ATG2B: variants seen among roughly 807,000 people sequenced by gnomAD.
ATG2B encodes autophagy-related protein 2 homolog B.
A neutral mutation model predicts 241.3 loss-of-function variants in ATG2B; 121 were observed. That is an observed-to-expected ratio of 0.50 (90% confidence interval 0.43 to 0.58). ATG2B has a LOEUF of 0.58. ATG2B is among the 20% of genes least tolerant of loss of function. ATG2B has a pLI of 0.00. For missense variants in ATG2B, 2,306 were observed against 2,491.6 expected (o/e 0.93, Z 1.59); for synonymous variants, 858 against 876.6 (o/e 0.98, Z 0.37).
intron 29 of ATG2B, 43 bp downstream of exon 29, chr14:96,309,410 C>A (rs755634254): frequency 1.9e-6 from 3 of 1,555,728 alleles, no homozygotes; most frequent in South Asian, 1.2e-5. Flanking sequence ...AAGTAAGCCC[C>A]AACATTAACA....
intron 4 of ATG2B, among the ~76,000 whole-genome samples, chr14:96,343,982 T>C (rs1354307460): frequency 1.3e-5 from 2 of 152,234 alleles, no homozygotes; most frequent in Non-Finnish European, 2.9e-5. Context: ...CTGGTGCTCA[T>C]GCAGTGTACA....
At chr14:96,301,369 C>G (rs1055749086) in intron 34 of ATG2B, among the ~76,000 whole-genome samples, 9 of 152,182 alleles carry the variant, frequency 5.9e-5, no homozygotes, top group Admixed American at 2.6e-4. Context: ...ATGCTTCTCG[C>G]CATTCTATTA....
rs201707373 is a variant in ATG2B, at chr14:96,353,658, AT to A, written c.163-6318del. ...TTTCATATTTTATATATATATATAT[AT>A]AAATCATTAAAGGAATTAAAATGTT... On this transcript the variant is annotated intron_variant, in intron 1 of 41. Transcript: ENST00000359933. Among the ~76,000 whole-genome samples the A allele has an allele frequency of 7.2e-3, 986 of 137,780 alleles. 8 individuals are homozygous for A. Among genetic ancestry groups the A allele is most frequent in the Non-Finnish European group, 0.011 (689 of 60,280 alleles). 90.4% of individuals were successfully genotyped at this position (137,780 alleles called of 152,430 possible). A position where few individuals can be genotyped will look rare whatever the true frequency, so the allele number is the denominator to read the frequency against.
intron 1 of ATG2B, among the ~76,000 whole-genome samples, chr14:96,359,296 T>G (rs1376375107): frequency 6.6e-6 from 1 of 151,950 alleles, no homozygotes; most frequent in Non-Finnish European, 1.5e-5. Flanking sequence ...GAGGATCGCT[T>G]GAGCCTAGCA....
At chr14:96,315,615 C>A in intron 21 of ATG2B, 32 bp from the exon 22 acceptor site, 1 of 1,536,274 alleles carries the variant, frequency 6.5e-7, no homozygotes, top group Non-Finnish European at 9.0e-7. Flanking sequence ...AAAATAGTAA[C>A]AAAATGATTA....
Position 96,347,356 on chromosome 14 carries a change from C to T in ATG2B, c.163-15G>A, listed in dbSNP as rs1189310498. ...TCATTGAGACACTAAGGAGAAAAAA[C>T]AGGTTCATTATGAATCACAAGAACA... On this transcript the variant is annotated splice_polypyrimidine_tract_variant and intron_variant, in intron 1 of 41. Coordinates refer to ENST00000359933, the MANE Select transcript of ATG2B (RefSeq NM_018036.7). The T allele has an allele frequency of 1.3e-6, 2 of 1,538,118 alleles. No homozygotes were observed. The highest frequency in any genetic ancestry group is 1.2e-5 in the South Asian group (1 of 82,678).
intron 41 of ATG2B, among the ~76,000 whole-genome samples, chr14:96,288,718 T>A (rs2139834312): frequency 6.7e-6 from 1 of 149,286 alleles, no homozygotes; most frequent in African/African-American, 2.5e-5. Flanking sequence ...AAAACACAAA[T>A]CATAAGTCAA....
chr14:96,359,240 C>T (rs1052840915), intron 1 of ATG2B, among the ~76,000 whole-genome samples: 5 of 151,936 alleles, frequency 3.3e-5, no homozygotes, highest in Non-Finnish European at 7.4e-5. Flanking sequence ...GGTGTGGTGG[C>T]ATGCACCTGT....
At position 96,305,889 on chromosome 14, in the gene ATG2B, G is replaced by A. The variant is rs551647550; in HGVS notation, c.4507-74C>T. 6.2e-6 allele frequency: 7 copies of A among 1,133,398 alleles called. No individual in the cohort carries two copies. In the South Asian group the frequency reaches 7.1e-5, roughly 11 times the overall value. 70.2% of individuals were successfully genotyped at this position (1,133,398 alleles called of 1,614,324 possible). A position where few individuals can be genotyped will look rare whatever the true frequency, so the allele number is the denominator to read the frequency against. On this transcript the variant is annotated intron_variant, in intron 30 of 41. Coordinates refer to ENST00000359933, the MANE Select transcript of ATG2B (RefSeq NM_018036.7). ...AACTGATTATGCTGCACATCTCAAG[G>A]GGCATTCTTGCTTCTACATTCTTTT...
intron 30 of ATG2B, 73 bp from the exon 31 acceptor site, chr14:96,305,888 G>A: frequency 1.7e-6 from 2 of 1,160,108 alleles, no homozygotes; most frequent in Non-Finnish European, 2.5e-6. Flanking sequence ...CACATCTCAA[G>A]GGGCATTCTT....
chr14:96,296,972 G>C (rs1412374511), intron 34 of ATG2B, among the ~76,000 whole-genome samples: 2 of 152,048 alleles, frequency 1.3e-5, no homozygotes, highest in Non-Finnish European at 2.9e-5. Flanking sequence ...GGGAGACTAA[G>C]CAATGGACTG....
intron 36 of ATG2B, among the ~76,000 whole-genome samples, 196 bp downstream of exon 36, chr14:96,294,764 T>G (rs1254934086): frequency 6.6e-6 from 1 of 152,020 alleles, no homozygotes; most frequent in Admixed American, 6.6e-5. Flanking sequence ...AGAGACGAAT[T>G]TGGAACCAGG....
chr14:96,299,709 T>G (rs1009772477), intron 34 of ATG2B, among the ~76,000 whole-genome samples: 5 of 152,220 alleles, frequency 3.3e-5, no homozygotes, highest in Admixed American at 2.6e-4. Context: ...GCTTACTGCC[T>G]GCCCTAAGGG....
rs1246148243 is a variant in ATG2B, at chr14:96,283,025, C to T, written c.*2730G>A. On this transcript the variant is annotated 3_prime_UTR_variant, in exon 42 of 42. Coordinates refer to ENST00000359933, the MANE Select transcript of ATG2B (RefSeq NM_018036.7). ...ATTGCTATGACATCTAGAAGAAACA[C>T]TGAGTTATCTAAAAGGCAATGTTCA... 1 of 152,196 alleles carries T rather than the reference C, an allele frequency of 6.6e-6. No homozygotes were observed. The highest frequency in any genetic ancestry group is 6.5e-5 in the Admixed American group (1 of 15,276). The allele number at this position is 152,196 out of a possible 1,614,324, so 9.4% of individuals were successfully genotyped here. A position where few individuals can be genotyped will look rare whatever the true frequency, so the allele number is the denominator to read the frequency against.
intron 1 of ATG2B, among the ~76,000 whole-genome samples, chr14:96,357,944 C>T (rs924805751): frequency 6.6e-6 from 1 of 152,028 alleles, no homozygotes; most frequent in African/African-American, 2.4e-5. Context: ...CTATTAAAAA[C>T]CTAACAGTGT....
At chr14:96,352,964 T>C (rs182068400) in intron 1 of ATG2B, among the ~76,000 whole-genome samples, 3 of 152,360 alleles carry the variant, frequency 2.0e-5, no homozygotes, top group Admixed American at 6.5e-5. Context: ...GCTCCATTCA[T>C]GGTAAGTGCC....
Position 96,289,619 on chromosome 14 carries a change from G to T in ATG2B, c.6006+37C>A. 2 of 1,607,116 alleles carry T rather than the reference G, an allele frequency of 1.2e-6. No homozygotes were observed. The highest frequency in any genetic ancestry group is 1.7e-6 in the Non-Finnish European group (2 of 1,176,658). On this transcript the variant is annotated intron_variant, in intron 41 of 41. Coordinates refer to ENST00000359933, the MANE Select transcript of ATG2B (RefSeq NM_018036.7). This position sits in a 1 kb window ranked among gnomAD's most constrained non-coding sequence, Gnocchi z 4.3. ...TAGGTGAAAGTTGGGAAAGCGCACA[G>T]AAGGGTTCTGATGTGTCCACCCAAG... is the stretch of plus-strand genomic sequence containing the variant.
At chr14:96,323,874 A>G (rs746669586) in intron 16 of ATG2B, 22 bp downstream of exon 16, 3 of 1,435,296 alleles carry the variant, frequency 2.1e-6, no homozygotes, top group Non-Finnish European at 1.9e-6. Flanking sequence ...ATCCTATTAA[A>G]CCTATGCATT....
rs774489305 is a variant in ATG2B at position 96,325,891 on chromosome 14, T to A, written c.2195A>T (p.Asp732Val). The change falls in exon 15 of 42, where the codon GAT becomes GTT. Residue 732 changes from aspartate to valine, a missense_variant. Physicochemically the swap from Asp to Val is radical, Grantham distance 152. Coordinates refer to ENST00000359933, the MANE Select transcript of ATG2B (RefSeq NM_018036.7). ...HKAFTEVFLD[D>V]SHSPANCRIS... ...CCGACAATTTGCAGGACTATGTGAA[T>A]CATCTAGAAACACTTCAGTGAAAGC... The A allele has an allele frequency of 5.6e-6, 9 of 1,613,744 alleles. No homozygotes were observed. The African/African-American group carries it at 1.1e-4, about 19-fold the overall frequency.
Sources: gnomAD v4.1 joint callset for allele counts (sites outside exome capture counted in the v4.1 genomes callset) on GRCh38, gnomAD v4.1.1 for gene constraint, Gnocchi (gnomAD v3.1) non-coding constraint, MANE v1.5 for transcripts, NCBI Gene and HGNC (gene_info 2026-07-23, HGNC 2026-07-21) for gene names.